The following MORN3 variants were observed in gnomAD, a reference collection of about 807,000 sequenced individuals.
MORN3 encodes the protein MORN repeat containing 3.
A neutral mutation model predicts 34.7 loss-of-function variants in MORN3; 38 were observed. That is an observed-to-expected ratio of 1.10 (90% confidence interval 0.85 to 1.44). The LOEUF is 1.44. Among genes scored for constraint, MORN3 ranks in the 40% most tolerant of loss-of-function variants. MORN3 has a pLI of 0.00. For synonymous variants in MORN3, 109 were observed against 115.3 expected, an observed-to-expected ratio of 0.95 and a Z score of 0.35; for missense variants, 311 against 321.7, an observed-to-expected ratio of 0.97 and a Z score of 0.25.
chr12:121,661,847 G>A (rs896107353), intron 1 of MORN3, among the ~76,000 whole-genome samples: 4 of 151,768 alleles, frequency 2.6e-5, no homozygotes, highest in African/African-American at 4.8e-5. Flanking sequence ...CTGCACTCCA[G>A]CTTGGGCGAC....
chr12:121,665,353 C>A (rs1392458740), intron 1 of MORN3, among the ~76,000 whole-genome samples: 3 of 128,902 alleles, frequency 2.3e-5, no homozygotes, highest in African/African-American at 8.6e-5. Flanking sequence ...TGCACTGGCG[C>A]GATCTCGGCT....
At chr12:121,664,141 C>T (rs902971064) in intron 1 of MORN3, among the ~76,000 whole-genome samples, 4 of 152,150 alleles carry the variant, frequency 2.6e-5, no homozygotes, top group Admixed American at 2.6e-4. Flanking sequence ...AGAAGGAACT[C>T]AACGCAGAGG....
At chr12:121,666,376 T>C (rs1893755607) in intron 1 of MORN3, among the ~76,000 whole-genome samples, 1 of 151,968 alleles carries the variant, frequency 6.6e-6, no homozygotes, top group African/African-American at 2.4e-5. Context: ...TGGTGGTGTG[T>C]GCCTTTAGTC....
At chr12:121,669,661 T>C, upstream of MORN3, 2 of 834,614 alleles carry the variant, frequency 2.4e-6, no homozygotes, top group East Asian at 3.0e-5. Flanking sequence ...GACTGACCTT[T>C]GGTTGGCCCC....
intron 1 of MORN3, among the ~76,000 whole-genome samples, 188 bp from the exon 2 acceptor site, chr12:121,659,536 CTTTCTT>C (rs140383326): frequency 0.032 from 4,772 of 150,580 alleles, 182 homozygotes; most frequent in East Asian, 0.1. Context: ...TTCTTTCTTT[CTTTCTT>C]TTTTTTTTTT....
At chr12:121,660,355 C>CTTTTTTT (rs200327265) in intron 1 of MORN3, among the ~76,000 whole-genome samples, 29 of 128,766 alleles carry the variant, frequency 2.3e-4, no homozygotes, top group African/African-American at 3.3e-4. Context: ...TTCTTTCTTT[C>CTTTTTTT]TTTTTTTTTT....
upstream of MORN3, among the ~76,000 whole-genome samples, chr12:121,670,923 C>A (rs1052621217): frequency 8.7e-5 from 13 of 150,032 alleles, no homozygotes; most frequent in African/African-American, 3.2e-4. Flanking sequence ...CCAGCCTGGC[C>A]AACATGGCGA....
At position 121,652,806 on chromosome 12, in the gene MORN3, G is replaced by A; in HGVS notation, c.651C>T (p.Val217=). The A allele has an allele frequency of 6.2e-7, 1 of 1,614,174 alleles. No homozygotes were observed. ...PEPTQFPIPE[V]KILDPDGVLA... ...GCACACCATCAGGGTCTAGGATTTT[G>A]ACCTGGAGGGAAATACCAAGAAGTT... The change falls in exon 5 of 6, where the codon GTC becomes GTT. Residue 217 remains valine (V), a splice_region_variant and synonymous_variant. Transcript: ENST00000355329.
At chr12:121,672,287 T>C (rs1257630732), upstream of MORN3, among the ~76,000 whole-genome samples, 1 of 150,552 alleles carries the variant, frequency 6.6e-6, no homozygotes, top group Non-Finnish European at 1.5e-5. Flanking sequence ...TAGTGAGACC[T>C]TATCTCTACA....
chr12:121,658,253 G>C (rs782802173), intron 2 of MORN3, among the ~76,000 whole-genome samples: 3 of 152,164 alleles, frequency 2.0e-5, no homozygotes, highest in Non-Finnish European at 4.4e-5. Flanking sequence ...AGCTGTTGCT[G>C]TGAGAGTTAA....
In MORN3 at chr12:121,659,050, G is replaced by A. The variant is rs976787235; in HGVS notation, c.303+141C>T. On this transcript the variant is annotated intron_variant, in intron 2 of 5. Transcript: ENST00000355329. ...TTCCCCCACCCCTTCCTTCTCCCAC[G>A]AGCAGCACAACCCTGTCCTCCTCCC... The A allele has an allele frequency of 4.1e-5, 44 of 1,083,320 alleles. No individual in the cohort carries two copies. In the African/African-American group the frequency reaches 6.8e-4, roughly 17 times the overall value. The allele number at this position is 1,083,320 out of a possible 1,614,324, so 67.1% of individuals were successfully genotyped here.
At chr12:121,661,886 A>G (rs1893594483) in intron 1 of MORN3, among the ~76,000 whole-genome samples, 1 of 150,808 alleles carries the variant, frequency 6.6e-6, no homozygotes, top group African/African-American at 2.5e-5. Context: ...AAAGAAAGAG[A>G]AGGAGAGAGG....
At chr12:121,659,826 G>A (rs934030282) in intron 1 of MORN3, among the ~76,000 whole-genome samples, 5 of 151,716 alleles carry the variant, frequency 3.3e-5, no homozygotes, top group Non-Finnish European at 7.4e-5. Context: ...CACTGCGTCC[G>A]GCCAGAGGTA....
At chr12:121,657,582 C>T (rs57878155) in intron 2 of MORN3, among the ~76,000 whole-genome samples, 4,504 of 151,778 alleles carry the variant, frequency 0.03, 183 homozygotes, top group East Asian at 0.11. Context: ...ATAATACAAC[C>T]CAGGGCCAGG....
intron 2 of MORN3, among the ~76,000 whole-genome samples, chr12:121,657,593 C>T (rs979637108): frequency 2.6e-5 from 4 of 152,034 alleles, no homozygotes; most frequent in Non-Finnish European, 2.9e-5. Flanking sequence ...CAGGGCCAGG[C>T]GCGGTGGCTC....
In MORN3 at chr12:121,660,621, T is replaced by G. The variant is rs1272183608; in HGVS notation, c.146-1273A>C. Among the ~76,000 whole-genome samples the G allele has an allele frequency of 5.3e-5, 8 of 151,506 alleles. No individual in the cohort carries two copies. In the East Asian group the frequency reaches 1.6e-3, roughly 30 times the overall value. On this transcript the variant is annotated intron_variant, in intron 1 of 5. Transcript: ENST00000355329. ...GCCTTGGCCACCCATAATACTGGGA[T>G]TGCAGGCATGAGCCACCGCACCCGG...
intron 2 of MORN3, among the ~76,000 whole-genome samples, chr12:121,655,662 G>A (rs1425017268): frequency 6.6e-6 from 1 of 151,968 alleles, no homozygotes; most frequent in Non-Finnish European, 1.5e-5. Context: ...AGTGAGCCCA[G>A]ATCGTGCCAT....
chr12:121,665,073 C>T (rs7970637), intron 1 of MORN3, among the ~76,000 whole-genome samples: 1,981 of 151,600 alleles, frequency 0.013, 31 homozygotes, highest in African/African-American at 0.038. Flanking sequence ...GGATTACGTG[C>T]TCATTTCTGT....
chr12:121,667,826 C>A (rs1893817505), intron 1 of MORN3, among the ~76,000 whole-genome samples: 1 of 151,814 alleles, frequency 6.6e-6, no homozygotes, highest in African/African-American at 2.4e-5. Flanking sequence ...TGGGTTCACG[C>A]CATTCTCCTG....
Sources: gnomAD v4.1 joint callset for allele counts (sites outside exome capture counted in the v4.1 genomes callset) on GRCh38, gnomAD v4.1.1 for gene constraint, MANE v1.5 for transcripts, NCBI Gene and HGNC (gene_info 2026-07-23, HGNC 2026-07-21) for gene names.